The following PLEKHA6 variants were observed in gnomAD, a reference collection of about 807,000 sequenced individuals.
PLEKHA6 encodes pleckstrin homology domain containing A6, also known as pleckstrin homology domain-containing family A member 6.
A neutral mutation model predicts 116.7 loss-of-function variants in PLEKHA6; 60 were observed. That is an observed-to-expected ratio of 0.51 (90% CI 0.42 to 0.64). The LOEUF is 0.64. Ranked by LOEUF, PLEKHA6 falls within the 30% of genes least tolerant of loss-of-function variation. The pLI, the probability that PLEKHA6 is intolerant of heterozygous loss-of-function variation, is 0.00. For synonymous variants in PLEKHA6, 489 were observed against 556.1 expected (o/e 0.88, Z 1.70); for missense variants, 1,338 against 1,422.7 (o/e 0.94, Z 0.96).
intron 1 of PLEKHA6, among the ~76,000 whole-genome samples, chr1:204,323,852 T>C (rs1002946695): frequency 1.1e-4 from 16 of 152,178 alleles, no homozygotes; most frequent in African/African-American, 3.6e-4. Context: ...TGTTTTAAGA[T>C]GAGGAACCTG....
intron 3 of PLEKHA6, among the ~76,000 whole-genome samples, chr1:204,365,041 G>C (rs1268841886): frequency 6.6e-6 from 1 of 152,154 alleles, no homozygotes; most frequent in African/African-American, 2.4e-5. Flanking sequence ...CATGAGGAGA[G>C]ATTGGCACCT....
chr1:204,314,231 A>T (rs12034941), intron 1 of PLEKHA6, among the ~76,000 whole-genome samples: 1 of 152,226 alleles, frequency 6.6e-6, no homozygotes, highest in East Asian at 1.9e-4. Context: ...GGTGGACAGC[A>T]TGAGTGGCTC....
chr1:204,283,821 C>A (rs1558135895), intron 1 of PLEKHA6, among the ~76,000 whole-genome samples: 1 of 152,250 alleles, frequency 6.6e-6, no homozygotes, highest in Non-Finnish European at 1.5e-5. Context: ...AAACTTTAGT[C>A]TGACAACAGC....
intron 2 of PLEKHA6, among the ~76,000 whole-genome samples, chr1:204,369,889 C>T (rs1003638664): frequency 2.7e-4 from 41 of 152,218 alleles, no homozygotes; most frequent in African/African-American, 8.2e-4. Context: ...CAGGAGGCCT[C>T]GCTGCAAGTT....
At chr1:204,266,220 G>A (rs1479164080) in intron 5 of PLEKHA6, among the ~76,000 whole-genome samples, 4 of 152,300 alleles carry the variant, frequency 2.6e-5, no homozygotes, top group African/African-American at 7.2e-5. Flanking sequence ...GGCACTTGGG[G>A]TTGGACCCCA....
intron 1 of PLEKHA6, among the ~76,000 whole-genome samples, chr1:204,294,117 G>C (rs1670037905): frequency 6.6e-6 from 1 of 152,174 alleles, no homozygotes; most frequent in Non-Finnish European, 1.5e-5. Flanking sequence ...ACAGCTGCTT[G>C]ACAGCTGCAT....
rs141373486 is a variant in PLEKHA6, at chr1:204,353,741, G to A, written c.-95+5953C>T. On this transcript the variant is annotated intron_variant, in intron 1 of 22. Transcript: ENST00000272203. ...ATGAGGATACTGAGGCTCAGAAGGG[G>A]AAAAGCATTGGGTTAGGAGGAGGAA... 2.8e-3 allele frequency among the ~76,000 whole-genome samples: 426 copies of A among 152,280 alleles called. 9 individuals are homozygous for A. The highest frequency in any genetic ancestry group is 0.019 in the Admixed American group (287 of 15,290).
intron 3 of PLEKHA6, among the ~76,000 whole-genome samples, chr1:204,271,420 G>C (rs1410344457): frequency 6.6e-6 from 1 of 152,108 alleles, no homozygotes; most frequent in Non-Finnish European, 1.5e-5. Context: ...TTATTATAAA[G>C]TACTCCCACA....
At position 204,300,994 on chromosome 1, in the gene PLEKHA6, C is replaced by A. The variant is rs566826627; in HGVS notation, c.-94-26185G>T. ...AGCTGCAAACTGCGACCTGAACTGG[C>A]AAGAGACTCTTTACAGCCTTTATTT... On this transcript the variant is annotated intron_variant, in intron 1 of 22. Transcript: ENST00000272203. Among the ~76,000 whole-genome samples, 18 of 152,332 alleles carry A rather than the reference C, an allele frequency of 1.2e-4. No homozygotes were observed. The East Asian group carries it at 3.3e-3, about 28-fold the overall frequency.
In PLEKHA6 at chr1:204,237,922, G is replaced by A. The variant is rs1662290691; in HGVS notation, c.2409+3453C>T. Among the ~76,000 whole-genome samples the A allele has an allele frequency of 2.6e-5, 4 of 152,314 alleles. No individual in the cohort carries two copies. The South Asian group carries it at 8.3e-4, about 32-fold the overall frequency. On this transcript the variant is annotated intron_variant, in intron 17 of 22. Coordinates refer to ENST00000272203, the MANE Select transcript of PLEKHA6 (RefSeq NM_014935.5). The stretch of plus-strand genomic sequence containing the variant: ...ACAAGACATTTGCATGCCAGAGGAT[G>A]GGAAATAAATCCGACTAAAATTCAG...
intron 17 of PLEKHA6, among the ~76,000 whole-genome samples, chr1:204,233,303 G>C (rs985992009): frequency 6.6e-6 from 1 of 150,694 alleles, no homozygotes; most frequent in Non-Finnish European, 1.5e-5. Flanking sequence ...GCCTCCTGGA[G>C]GAGGCTAGGA....
intron 3 of PLEKHA6, among the ~76,000 whole-genome samples, chr1:204,272,977 A>G (rs1005182912): frequency 6.6e-6 from 1 of 151,378 alleles, no homozygotes; most frequent in Non-Finnish European, 1.5e-5. Context: ...CCCCCCTTTT[A>G]CCTCTCCAGC....
At position 204,235,818 on chromosome 1, in the gene PLEKHA6, G is replaced by A. The variant is rs146293168; in HGVS notation, c.2410-5232C>T. Among the ~76,000 whole-genome samples, 231 of 152,232 alleles carry A rather than the reference G, an allele frequency of 1.5e-3. 1 individual carries two copies. The highest frequency in any genetic ancestry group is 5.1e-3 in the African/African-American group (213 of 41,548). ...CCAATAGTGGCAACATCCCCTCCCC[G>A]ACCCATGCTGCCATCAGCCTTTCCA... On this transcript the variant is annotated intron_variant, in intron 17 of 22. Coordinates refer to ENST00000272203, the MANE Select transcript of PLEKHA6 (RefSeq NM_014935.5).
intron 1 of PLEKHA6, chr1:204,308,014 G>T: frequency 2.3e-6 from 1 of 437,430 alleles, no homozygotes; most frequent in Non-Finnish European, 3.0e-6. Flanking sequence ...TATATAAATG[G>T]CTAAATTTGT....
chr1:204,251,007 C>T (rs978466711), intron 9 of PLEKHA6, among the ~76,000 whole-genome samples: 3 of 152,140 alleles, frequency 2.0e-5, no homozygotes, highest in East Asian at 1.9e-4. Context: ...GGGGAATGGT[C>T]GGAATGAGCA....
Position 204,301,205 on chromosome 1 carries a change from T to C in PLEKHA6, c.-94-26396A>G, listed in dbSNP as rs2103085938. On this transcript the variant is annotated intron_variant, in intron 1 of 22. Transcript: ENST00000272203. ...GAGCTATACAAGCCACCTCTCTAGC[T>C]CCAGAAGACAGGAGTTTCAGCAGAG... The C allele has an allele frequency of 6.1e-6, 6 of 981,020 alleles. No homozygotes were observed. The South Asian group carries it at 2.8e-4, about 46-fold the overall frequency. The allele number at this position is 981,020 out of a possible 1,614,324, so 60.8% of individuals were successfully genotyped here. A position where few individuals can be genotyped will look rare whatever the true frequency, so the allele number is the denominator to read the frequency against.
intron 1 of PLEKHA6, among the ~76,000 whole-genome samples, chr1:204,356,928 A>C (rs1351625404): frequency 6.6e-6 from 1 of 152,254 alleles, no homozygotes; most frequent in Non-Finnish European, 1.5e-5. Context: ...AAAACACAGA[A>C]AGAGCCTTAT....
intron 6 of PLEKHA6, among the ~76,000 whole-genome samples, chr1:204,262,786 G>T (rs908077402): frequency 6.6e-6 from 1 of 152,168 alleles, no homozygotes; most frequent in Non-Finnish European, 1.5e-5. Context: ...CCACCCTCCA[G>T]CAGAGGGCTT....
chr1:204,351,072 C>T lies in PLEKHA6; in HGVS notation c.-95+8622G>A, dbSNP rs186952015. ...TACCCGGGCAACCCAGCTGGGAGGC[C>T]GCCAGTTACCACGGCAACCCAGCAT... On this transcript the variant is annotated intron_variant, in intron 1 of 22. Transcript: ENST00000272203. 3.3e-5 allele frequency among the ~76,000 whole-genome samples: 5 copies of T among 152,264 alleles called. No homozygotes were observed. The East Asian group carries it at 9.7e-4, about 29-fold the overall frequency.
Sources: gnomAD v4.1 joint callset for allele counts (sites outside exome capture counted in the v4.1 genomes callset) on GRCh38, gnomAD v4.1.1 for gene constraint, MANE v1.5 for transcripts, NCBI Gene and HGNC (gene_info 2026-07-23, HGNC 2026-07-21) for gene names.